Variants in LIMCH1 observed in about 807,000 individuals in gnomAD.
LIMCH1 encodes LIM and calponin homology domains-containing protein 1.
A neutral mutation model predicts 176.5 loss-of-function variants in LIMCH1; 113 were observed. The observed-to-expected ratio is 0.64, with a 90% CI of 0.55 to 0.75. The LOEUF is 0.75. LIMCH1 is among the 30% of genes least tolerant of loss of function. The pLI, the probability that LIMCH1 is intolerant of heterozygous loss-of-function variation, is 0.00. For missense variants in LIMCH1, 1,674 were observed against 1,814.9 expected (o/e 0.92, Z 1.41); for synonymous variants, 619 against 645.9 (o/e 0.96, Z 0.63).
Position 41,632,850 on chromosome 4 carries a change from C to A in LIMCH1, c.1703C>A (p.Pro568Gln), listed in dbSNP as rs114137756. Residue 568 changes from proline (P) to glutamine (Q), a missense_variant, in exon 11 of 32, where the codon CCG becomes CAG. Pro to Gln is a moderately conservative substitution (Grantham distance 76). Around this residue, in one of 3 missense-constraint regions of LIMCH1, gnomAD observed 1,015 missense variants for 1,102.5 expected, o/e 0.92. Transcript: ENST00000503057. ...EEWVCSLGEC[P>Q]RGTEEVTSKQ... The stretch of plus-strand genomic sequence containing the variant: ...TGGGTCTGCAGTTTGGGCGAGTGCC[C>A]GAGGGGGACAGAGGAAGGTGAGGAG... 6.5e-7 allele frequency: 1 copy of A among 1,536,088 alleles called. No individual in the cohort carries two copies.
chr4:41,651,440 C>T (rs915313258), intron 18 of LIMCH1, among the ~76,000 whole-genome samples: 2 of 152,148 alleles, frequency 1.3e-5, no homozygotes, highest in African/African-American at 4.8e-5. Context: ...AGGGTTAGGA[C>T]TTCAATAATA....
chr4:41,573,022 G>T (rs1474400738), intron 1 of LIMCH1, among the ~76,000 whole-genome samples: 2 of 152,196 alleles, frequency 1.3e-5, no homozygotes, highest in Non-Finnish European at 2.9e-5. Context: ...AGTAATGTTA[G>T]CCAGTGTAGG....
intron 1 of LIMCH1, among the ~76,000 whole-genome samples, chr4:41,574,941 G>T (rs2084216870): frequency 6.6e-6 from 1 of 152,162 alleles, no homozygotes; most frequent in South Asian, 2.1e-4. Flanking sequence ...GAGGGCTGTT[G>T]TGAGAATGAA....
intron 2 of LIMCH1, among the ~76,000 whole-genome samples, chr4:41,520,941 G>A (rs917491508): frequency 6.6e-6 from 1 of 152,096 alleles, no homozygotes; most frequent in Non-Finnish European, 1.5e-5. Flanking sequence ...GTTGGCATAG[G>A]GTTCTGCTGA....
At chr4:41,526,363 A>T (rs1264646005) in intron 3 of LIMCH1, among the ~76,000 whole-genome samples, 3 of 152,026 alleles carry the variant, frequency 2.0e-5, no homozygotes, top group African/African-American at 7.3e-5. Context: ...TAGTCCAAAA[A>T]AATACTTTCT....
At chr4:41,364,286 TA>T (rs2052626326) in intron 1 of LIMCH1, among the ~76,000 whole-genome samples, 1 of 152,150 alleles carries the variant, frequency 6.6e-6, no homozygotes, top group Non-Finnish European at 1.5e-5. Flanking sequence ...GTATGGTTAG[TA>T]GTATTATTAC....
At chr4:41,518,859 T>C (rs1163040121) in intron 2 of LIMCH1, among the ~76,000 whole-genome samples, 1 of 152,166 alleles carries the variant, frequency 6.6e-6, no homozygotes, top group East Asian at 1.9e-4. Flanking sequence ...CTAGGTTAGT[T>C]TGGTGAGGAT....
At chr4:41,615,906 A>G (rs2092005642) in intron 5 of LIMCH1, among the ~76,000 whole-genome samples, 1 of 152,150 alleles carries the variant, frequency 6.6e-6, no homozygotes, top group African/African-American at 2.4e-5. Flanking sequence ...TACTCATGAG[A>G]AGCATCATGA....
chr4:41,483,280 A>T (rs1392930355), intron 1 of LIMCH1, among the ~76,000 whole-genome samples: 1 of 151,970 alleles, frequency 6.6e-6, no homozygotes, highest in Non-Finnish European at 1.5e-5. Flanking sequence ...TGGATATGGC[A>T]TGTTTTTGGT....
chr4:41,461,289 C>T (rs2065332751), intron 1 of LIMCH1, among the ~76,000 whole-genome samples: 1 of 152,148 alleles, frequency 6.6e-6, no homozygotes, highest in South Asian at 2.1e-4. Flanking sequence ...AGAATCCATG[C>T]CGTTGGCCAT....
chr4:41,385,579 C>G (rs1232543844), intron 1 of LIMCH1, among the ~76,000 whole-genome samples: 3 of 151,922 alleles, frequency 2.0e-5, no homozygotes, highest in African/African-American at 7.3e-5. Flanking sequence ...TAAAAATGTT[C>G]CAGAAAGGAA....
intron 11 of LIMCH1, 49 bp from the exon 12 acceptor site, chr4:41,632,928 T>A: frequency 6.5e-7 from 1 of 1,529,288 alleles, no homozygotes; most frequent in Non-Finnish European, 8.8e-7. Context: ...GGTCAGAGCC[T>A]CTGGTGTGAA....
intron 9 of LIMCH1, among the ~76,000 whole-genome samples, chr4:41,630,552 A>G (rs2093264502): frequency 6.6e-6 from 1 of 152,200 alleles, no homozygotes; most frequent in African/African-American, 2.4e-5. Context: ...GAGATGTTAG[A>G]ATTGATGTTT....
intron 1 of LIMCH1, among the ~76,000 whole-genome samples, chr4:41,373,099 T>C (rs548850842): frequency 5.9e-5 from 9 of 152,288 alleles, no homozygotes; most frequent in Admixed American, 3.3e-4. Context: ...GTGTGATGCA[T>C]GCTTGGAAAG....
intron 1 of LIMCH1, among the ~76,000 whole-genome samples, chr4:41,451,535 C>T (rs973308614): frequency 5.3e-5 from 8 of 152,330 alleles, no homozygotes; most frequent in Admixed American, 5.2e-4. Flanking sequence ...GAGTCTTTCC[C>T]ACCCCCGGGA....
intron 21 of LIMCH1, among the ~76,000 whole-genome samples, chr4:41,669,224 C>T (rs1402775865): frequency 6.6e-6 from 1 of 152,060 alleles, no homozygotes; most frequent in Non-Finnish European, 1.5e-5. Flanking sequence ...CCAGTAATAA[C>T]CTCATAGGGA....
chr4:41,650,360 T>TA, intron 17 of LIMCH1, 33 bp from the exon 18 acceptor site: 1 of 1,491,128 alleles, frequency 6.7e-7, no homozygotes, highest in Non-Finnish European at 9.4e-7. Flanking sequence ...GGGGTATATA[T>TA]AGCATGTTTT....
intron 22 of LIMCH1, among the ~76,000 whole-genome samples, chr4:41,674,853 A>G (rs988553975): frequency 6.6e-6 from 1 of 152,200 alleles, no homozygotes; most frequent in Non-Finnish European, 1.5e-5. Context: ...CCAACTCCAT[A>G]TTGCTTTTGT....
At chr4:41,635,899 C>G (rs2093563825) in intron 13 of LIMCH1, among the ~76,000 whole-genome samples, 2 of 152,054 alleles carry the variant, frequency 1.3e-5, no homozygotes. Flanking sequence ...TTCTACCTAC[C>G]CCTACCCTCA....
Sources: allele counts gnomAD v4.1 joint callset (sites outside exome capture counted in the v4.1 genomes callset), GRCh38; gene constraint gnomAD v4.1.1; regional missense constraint gnomAD v4.1.1; transcripts MANE v1.5; gene names NCBI Gene and HGNC (gene_info 2026-07-23, HGNC 2026-07-21).